DNAH7: variants seen among roughly 807,000 people sequenced by gnomAD.
DNAH7 encodes the protein axonemal beta dynein heavy chain 7.
Under a neutral mutation model 444.6 loss-of-function variants are expected in DNAH7, and 397 were observed. The ratio of observed to expected loss-of-function variants is 0.89; its 90% CI spans 0.82 to 0.97. DNAH7 has a LOEUF of 0.97. Among genes scored for constraint, DNAH7 ranks in the 50% least tolerant of loss-of-function variants. The probability of loss-of-function intolerance (pLI) is 0.00; values close to 1 mark genes in which losing one functional copy is unlikely to be tolerated. For missense variants in DNAH7, 4,902 were observed against 4,800.8 expected, an observed-to-expected ratio of 1.02 and a Z score of -0.62; for synonymous variants, 1,636 against 1,624.4, an observed-to-expected ratio of 1.01 and a Z score of -0.17.
chr2:195,778,618 G>GGGAAA (rs1365539221), intron 58 of DNAH7, among the ~76,000 whole-genome samples: 8 of 21,766 alleles, frequency 3.7e-4, no homozygotes, highest in African/African-American at 1.6e-3. Context: ...GACCCTGTCT[G>GGGAAA]AAAAAAAAAA....
At chr2:195,923,870 T>C in intron 22 of DNAH7, 63 bp from the exon 23 acceptor site, 1 of 1,358,370 alleles carries the variant, frequency 7.4e-7, no homozygotes, top group Admixed American at 1.8e-5. Context: ...GAACAAAACA[T>C]TCTGAACTAG....
At chr2:195,782,449 T>C (rs1695433303) in intron 58 of DNAH7, among the ~76,000 whole-genome samples, 1 of 152,238 alleles carries the variant, frequency 6.6e-6, no homozygotes, top group Non-Finnish European at 1.5e-5. Context: ...AAACATGTCA[T>C]TTAAAGATTC....
chr2:195,965,134 T>A (rs905489912), intron 17 of DNAH7, among the ~76,000 whole-genome samples: 3 of 152,184 alleles, frequency 2.0e-5, no homozygotes, highest in Non-Finnish European at 2.9e-5. Context: ...TATGTTGAGG[T>A]ATGTTCCTTC....
intron 15 of DNAH7, among the ~76,000 whole-genome samples, chr2:195,980,389 G>T (rs1692495950): frequency 6.6e-6 from 1 of 152,172 alleles, no homozygotes; most frequent in Non-Finnish European, 1.5e-5. Flanking sequence ...CAGCCTTGCA[G>T]AACTGTGAGT....
intron 19 of DNAH7, among the ~76,000 whole-genome samples, chr2:195,946,212 T>C (rs765446330): frequency 6.6e-6 from 1 of 151,908 alleles, no homozygotes; most frequent in Non-Finnish European, 1.5e-5. Flanking sequence ...ACCCCACTTT[T>C]GGGCTATGGC....
At chr2:195,902,631 A>G (rs1442929028) in intron 27 of DNAH7, 2 of 152,138 alleles carry the variant, frequency 1.3e-5, no homozygotes, top group South Asian at 2.1e-4. Flanking sequence ...CAAATATCCT[A>G]TTCACCTCTT....
In DNAH7 at chr2:195,994,189, G is replaced by A. The variant is rs556695336; in HGVS notation, c.1354-5960C>T. On this transcript the variant is annotated intron_variant, in intron 12 of 64. Transcript: ENST00000312428. ...GAAGGGACCACACTGCATGACAGAT[G>A]TTCTGGTCCCATGATAAAAAATTAT... 3.3e-5 allele frequency: 8 copies of A among 245,184 alleles called. No individual in the cohort carries two copies. In the South Asian group the frequency reaches 5.0e-4, roughly 15 times the overall value. 15.2% of individuals were successfully genotyped at this position (245,184 alleles called of 1,614,324 possible).
chr2:195,889,133 A>ATG (rs1383031514), intron 31 of DNAH7, 152 bp from the exon 32 acceptor site: 2 of 688,688 alleles, frequency 2.9e-6, no homozygotes, highest in Admixed American at 3.1e-5. Context: ...AAAGATTACT[A>ATG]TGTGTGTGTG....
At chr2:195,821,474 C>T (rs1697467846) in intron 49 of DNAH7, among the ~76,000 whole-genome samples, 1 of 152,154 alleles carries the variant, frequency 6.6e-6, no homozygotes, top group African/African-American at 2.4e-5. Flanking sequence ...AAAGAAACAT[C>T]TAATAGGGAC....
rs144449958 is a variant in DNAH7 at position 195,879,430 on chromosome 2, T to C, written c.5961+2365A>G. ...GACCATTATCAGAATGTTGCCCTAA[T>C]TCCAGGAGTTTATAGGTGATTTAAA... On this transcript the variant is annotated intron_variant, in intron 36 of 64. Transcript: ENST00000312428. Among the ~76,000 whole-genome samples, 72 of 152,284 alleles carry C rather than the reference T, an allele frequency of 4.7e-4. 2 individuals carry two copies. The highest frequency in any genetic ancestry group is 1.7e-3 in the African/African-American group (71 of 41,580).
intron 58 of DNAH7, among the ~76,000 whole-genome samples, 173 bp from the exon 59 acceptor site, chr2:195,778,158 C>A (rs1450461179): frequency 6.6e-6 from 1 of 152,178 alleles, no homozygotes; most frequent in African/African-American, 2.4e-5. Context: ...CCGTTCACTT[C>A]TTTTCTGGCT....
chr2:195,916,330 C>A (rs933426571), intron 24 of DNAH7, among the ~76,000 whole-genome samples: 7 of 152,054 alleles, frequency 4.6e-5, no homozygotes, highest in African/African-American at 1.7e-4. Flanking sequence ...GTCACTATTT[C>A]TTTTCTTTTT....
chr2:195,968,050 C>T (rs1236056391), intron 17 of DNAH7, among the ~76,000 whole-genome samples: 1 of 152,224 alleles, frequency 6.6e-6, no homozygotes, highest in Non-Finnish European at 1.5e-5. Context: ...AAGGCCCAAG[C>T]ACTCTTCAGT....
chr2:195,985,201 T>C (rs1305750246), intron 14 of DNAH7, among the ~76,000 whole-genome samples: 3 of 151,824 alleles, frequency 2.0e-5, no homozygotes, highest in African/African-American at 7.2e-5. Context: ...TGAACTTATT[T>C]TGGCATACAG....
chr2:195,995,455 C>T, intron 12 of DNAH7: 1 of 384,264 alleles, frequency 2.6e-6, no homozygotes, highest in Non-Finnish European at 5.1e-6. Context: ...CTTCATAGAG[C>T]AGCTCTTCTT....
chr2:195,934,989 T>C (rs182016538), intron 20 of DNAH7, among the ~76,000 whole-genome samples, 200 bp from the exon 21 acceptor site: 2 of 152,302 alleles, frequency 1.3e-5, no homozygotes, highest in Admixed American at 1.3e-4. Flanking sequence ...GATGTCAGTA[T>C]TAACTGAATA....
At chr2:196,045,961 A>T (rs558201850) in intron 5 of DNAH7, among the ~76,000 whole-genome samples, 2 of 152,248 alleles carry the variant, frequency 1.3e-5, no homozygotes, top group South Asian at 4.1e-4. Flanking sequence ...CAGAACTCTA[A>T]GATTGAATTT....
intron 30 of DNAH7, chr2:195,894,676 G>C: frequency 4.9e-6 from 1 of 204,174 alleles, no homozygotes; most frequent in Non-Finnish European, 9.8e-6. Context: ...TCCTCTGAAA[G>C]TATTGCAGGA....
intron 61 of DNAH7, among the ~76,000 whole-genome samples, chr2:195,758,432 AAAATGTATTTACATTTT>A (rs1342555721): frequency 6.6e-6 from 1 of 152,188 alleles, no homozygotes; most frequent in East Asian, 1.9e-4. Context: ...TTTACATTTT[AAAATGTATTTACATTTT>A]AAATGTATTG....
Sources: gnomAD v4.1 joint callset for allele counts (sites outside exome capture counted in the v4.1 genomes callset) on GRCh38, gnomAD v4.1.1 for gene constraint, MANE v1.5 for transcripts, NCBI Gene and HGNC (gene_info 2026-07-23, HGNC 2026-07-21) for gene names.